NEDD4L: variants seen among roughly 807,000 people sequenced by gnomAD.
NEDD4L encodes the protein E3 ubiquitin-protein ligase NEDD4-like.
Under a neutral mutation model 148.9 loss-of-function variants are expected in NEDD4L, and 54 were observed. The observed-to-expected ratio is 0.36, with a 90% CI of 0.29 to 0.45. The LOEUF (loss-of-function observed/expected upper bound fraction) is 0.45. NEDD4L is among the 20% of genes least tolerant of loss of function. The probability of loss-of-function intolerance (pLI) is 1.00; values close to 1 mark genes in which losing one functional copy is unlikely to be tolerated. For missense variants in NEDD4L, 856 were observed against 1,233.8 expected (o/e 0.69, Z 4.59); for synonymous variants, 433 against 440.7 (o/e 0.98, Z 0.22).
chr18:58,310,215 C>T (rs1008686481), intron 5 of NEDD4L, among the ~76,000 whole-genome samples: 4 of 152,194 alleles, frequency 2.6e-5, no homozygotes, highest in African/African-American at 9.7e-5. Flanking sequence ...TGCAAATTTG[C>T]TCTGACACTC....
In NEDD4L at chr18:58,341,993, A is replaced by G. The variant is rs947863586; in HGVS notation, c.1377+196A>G. Among the ~76,000 whole-genome samples, 5 of 152,018 alleles carry G rather than the reference A, an allele frequency of 3.3e-5. No homozygotes were observed. In the East Asian group the frequency reaches 7.7e-4, roughly 23 times the overall value. On this transcript the variant is annotated intron_variant, in intron 15 of 30. Coordinates refer to ENST00000400345, the MANE Select transcript of NEDD4L (RefSeq NM_001144967.3). ...CCAGTTAACATTCCTGGACTCTCTC[A>G]CCTGATTCTCATTCTCATTTGGCTA...
At chr18:58,302,348 C>G (rs551333620) in intron 5 of NEDD4L, among the ~76,000 whole-genome samples, 3 of 152,204 alleles carry the variant, frequency 2.0e-5, no homozygotes, top group Admixed American at 2.0e-4. Context: ...CTTATGCTAC[C>G]TTTCATTGCT....
chr18:58,329,148 T>C, intron 10 of NEDD4L, 21 bp downstream of exon 10: 4 of 1,609,606 alleles, frequency 2.5e-6, no homozygotes, highest in South Asian at 1.1e-5. Flanking sequence ...CCCAGAATGG[T>C]GCAAAGCCCG....
chr18:58,388,823 G>A (rs955458104), intron 27 of NEDD4L: 7 of 475,008 alleles, frequency 1.5e-5, no homozygotes, highest in Admixed American at 9.8e-5. Context: ...TAGGGAGGAC[G>A]ACTGTGGCAT....
intron 1 of NEDD4L, among the ~76,000 whole-genome samples, chr18:58,137,018 G>A (rs1325974664): frequency 1.3e-5 from 2 of 152,204 alleles, no homozygotes; most frequent in Non-Finnish European, 2.9e-5. Context: ...CCCTGCCATT[G>A]TATGTGTATC....
intron 1 of NEDD4L, among the ~76,000 whole-genome samples, chr18:58,121,931 A>G (rs780345804): frequency 3.3e-5 from 5 of 152,198 alleles, no homozygotes; most frequent in Non-Finnish European, 5.9e-5. Flanking sequence ...CTGCACACCC[A>G]TATATGTGTT....
chr18:58,124,195 G>GC (rs1440249447), intron 1 of NEDD4L, among the ~76,000 whole-genome samples: 1 of 152,144 alleles, frequency 6.6e-6, no homozygotes, highest in Non-Finnish European at 1.5e-5. Flanking sequence ...TTCTGAGAGT[G>GC]CCAGAGGGTG....
chr18:58,308,202 CAT>C (rs1222590726), intron 5 of NEDD4L, among the ~76,000 whole-genome samples: 48 of 152,288 alleles, frequency 3.2e-4, no homozygotes, highest in East Asian at 1.5e-3. Context: ...AATATATGTA[CAT>C]GTTTGCCTTA....
At chr18:58,044,766 C>G in intron 1 of NEDD4L, 58 bp downstream of exon 1, 1 of 1,581,826 alleles carries the variant, frequency 6.3e-7, no homozygotes, top group Non-Finnish European at 8.6e-7. Flanking sequence ...CCCGCGCCGG[C>G]AGGGGGAGGG....
At chr18:58,290,894 G>A (rs1402805791) in intron 5 of NEDD4L, among the ~76,000 whole-genome samples, 6 of 152,154 alleles carry the variant, frequency 3.9e-5, no homozygotes, top group Non-Finnish European at 5.9e-5. Context: ...GTGTCAGAAT[G>A]CCCTAAAATC....
intron 8 of NEDD4L, 24 bp from the exon 9 acceptor site, chr18:58,324,972 C>T (rs777780224): frequency 1.6e-5 from 26 of 1,601,344 alleles, no homozygotes; most frequent in South Asian, 2.3e-5. Flanking sequence ...ACCTCATAAT[C>T]GTCCCTTTAA....
chr18:58,371,203 A>ATTTTTTTTTTTTTTTTTTTTTT (rs34960405), intron 23 of NEDD4L, among the ~76,000 whole-genome samples: 1 of 92,988 alleles, frequency 1.1e-5, no homozygotes. Flanking sequence ...TGCCTGGCTA[A>ATTTTTTTTTTTTTTTTTTTTTT]TTTTTTTTTT....
intron 24 of NEDD4L, among the ~76,000 whole-genome samples, chr18:58,382,494 C>T (rs1287535043): frequency 6.6e-6 from 1 of 152,212 alleles, no homozygotes; most frequent in African/African-American, 2.4e-5. Context: ...TATTTTTCCA[C>T]CTTTTTTCCC....
chr18:58,137,621 C>G (rs10460144), intron 1 of NEDD4L, among the ~76,000 whole-genome samples: 1 of 152,132 alleles, frequency 6.6e-6, no homozygotes, highest in South Asian at 2.1e-4. Context: ...TCTTCCAACT[C>G]GTATCCTCCA....
At chr18:58,293,577 C>G (rs2055087720) in intron 5 of NEDD4L, among the ~76,000 whole-genome samples, 1 of 152,204 alleles carries the variant, frequency 6.6e-6, no homozygotes, top group South Asian at 2.1e-4. Context: ...TAATAATAAA[C>G]TGCTGTTTAC....
chr18:58,347,452 T>C (rs1367608525), intron 16 of NEDD4L, among the ~76,000 whole-genome samples: 3 of 152,092 alleles, frequency 2.0e-5, no homozygotes, highest in East Asian at 1.9e-4. Flanking sequence ...AGAGTTAGCA[T>C]TGAGTGGGTA....
intron 5 of NEDD4L, among the ~76,000 whole-genome samples, chr18:58,298,344 C>G (rs780956327): frequency 6.6e-6 from 1 of 152,166 alleles, no homozygotes; most frequent in Admixed American, 6.5e-5. Flanking sequence ...TGATGTTCAG[C>G]TTATCCCTGG....
intron 1 of NEDD4L, among the ~76,000 whole-genome samples, chr18:58,049,757 A>G (rs2081769013): frequency 6.6e-6 from 1 of 152,124 alleles, no homozygotes; most frequent in Non-Finnish European, 1.5e-5. Context: ...CAGGAGAATC[A>G]CTTGAGTTCA....
At chr18:58,189,296 CT>C (rs1259245548) in intron 2 of NEDD4L, among the ~76,000 whole-genome samples, 1 of 152,156 alleles carries the variant, frequency 6.6e-6, no homozygotes, top group East Asian at 1.9e-4. Context: ...CTCCATAGCC[CT>C]GGTGTGCTCT....
Sources: allele counts gnomAD v4.1 joint callset (sites outside exome capture counted in the v4.1 genomes callset), GRCh38; gene constraint gnomAD v4.1.1; transcripts MANE v1.5; gene names NCBI Gene and HGNC (gene_info 2026-07-23, HGNC 2026-07-21).